The following WWOX variants were observed in gnomAD, a reference collection of about 807,000 sequenced individuals.
The protein encoded by WWOX is WW domain containing oxidoreductase.
Under a neutral mutation model 46.2 loss-of-function variants are expected in WWOX, and 69 were observed. The ratio of observed to expected loss-of-function variants is 1.49; its 90% CI spans 1.23 to 1.82. The LOEUF (loss-of-function observed/expected upper bound fraction) is 1.82. Ranked by LOEUF, WWOX falls within the 40% of genes most tolerant of loss-of-function variation. WWOX has a pLI of 0.00. For synonymous variants in WWOX, 359 were observed against 202.6 expected (o/e 1.77, Z -6.56); for missense variants, 919 against 542.6 (o/e 1.69, Z -6.89).
chr16:78,779,142 C>A (rs1429886246), intron 8 of WWOX, among the ~76,000 whole-genome samples: 1 of 152,086 alleles, frequency 6.6e-6, no homozygotes, highest in Non-Finnish European at 1.5e-5. Context: ...GTGACTCCAA[C>A]TTGTCTTTTT....
intron 8 of WWOX, among the ~76,000 whole-genome samples, chr16:78,828,328 G>T (rs2051719896): frequency 6.6e-6 from 1 of 152,136 alleles, no homozygotes; most frequent in Non-Finnish European, 1.5e-5. Flanking sequence ...AAAACTGGGG[G>T]ATGCAGAATA....
chr16:78,122,411 A>G (rs144192503), intron 4 of WWOX, among the ~76,000 whole-genome samples: 2,209 of 152,296 alleles, frequency 0.015, 57 homozygotes, highest in African/African-American at 0.051. Flanking sequence ...GTTTAATGAC[A>G]AAGTGGGTCA....
At chr16:78,684,852 T>TA (rs1449266695) in intron 8 of WWOX, among the ~76,000 whole-genome samples, 1 of 152,178 alleles carries the variant, frequency 6.6e-6, no homozygotes, top group African/African-American at 2.4e-5. Context: ...AGCCAGGAAA[T>TA]ACACTTGTAA....
chr16:78,794,515 C>T (rs1017562958), intron 8 of WWOX, among the ~76,000 whole-genome samples: 6 of 152,160 alleles, frequency 3.9e-5, no homozygotes, highest in Non-Finnish European at 7.4e-5. Context: ...CTCTGAATAC[C>T]AATTTTCTCA....
chr16:78,420,140 G>C (rs181791406), intron 6 of WWOX, among the ~76,000 whole-genome samples: 21 of 152,220 alleles, frequency 1.4e-4, no homozygotes, highest in African/African-American at 4.8e-4. Context: ...CACATGGAGA[G>C]ATGAAAGTTC....
chr16:78,247,666 C>T (rs2037854537), intron 5 of WWOX, among the ~76,000 whole-genome samples: 1 of 152,188 alleles, frequency 6.6e-6, no homozygotes, highest in Admixed American at 6.5e-5. Context: ...CTTTCCACTC[C>T]TGCGTCTCTG....
chr16:78,157,426 T>C (rs1324741863), intron 4 of WWOX, among the ~76,000 whole-genome samples: 2 of 152,186 alleles, frequency 1.3e-5, no homozygotes, highest in Non-Finnish European at 2.9e-5. Flanking sequence ...GTATCACAGG[T>C]AAAAATGAGT....
rs554723062 is a variant in WWOX at position 79,037,822 on chromosome 16, G to T, written c.1057-173786G>T. On this transcript the variant is annotated intron_variant, in intron 8 of 8. Transcript: ENST00000566780. ...ATCCCCAAGGTCAGGAGATCTTTCT[G>T]CCAGAGGTCAGCATTCCATCCAGCT... Among the ~76,000 whole-genome samples, 21 of 152,142 alleles carry T rather than the reference G, an allele frequency of 1.4e-4. No individual in the cohort carries two copies. In the South Asian group the frequency reaches 4.4e-3, roughly 32 times the overall value.
At chr16:78,318,056 C>T (rs543805045) in intron 5 of WWOX, among the ~76,000 whole-genome samples, 4 of 152,206 alleles carry the variant, frequency 2.6e-5, no homozygotes, top group African/African-American at 9.6e-5. Context: ...AAGATCCAGG[C>T]GTAGAAATTG....
chr16:79,059,519 C>T (rs954557816), intron 8 of WWOX, among the ~76,000 whole-genome samples: 1 of 152,164 alleles, frequency 6.6e-6, no homozygotes, highest in African/African-American at 2.4e-5. Flanking sequence ...GAGATGGAGT[C>T]TTGCCCTGTT....
intron 6 of WWOX, among the ~76,000 whole-genome samples, chr16:78,418,370 A>G (rs1002425603): frequency 1.4e-5 from 2 of 139,016 alleles, no homozygotes; most frequent in African/African-American, 5.6e-5. Flanking sequence ...TCCATCTCAG[A>G]AAAAAAAAAA....
chr16:78,171,688 G>T (rs943088358), intron 5 of WWOX, among the ~76,000 whole-genome samples: 1 of 151,970 alleles, frequency 6.6e-6, no homozygotes. Context: ...TCCTAAATCA[G>T]CCATTAGATT....
chr16:78,525,309 C>T (rs1473234585), intron 8 of WWOX: 1 of 151,630 alleles, frequency 6.6e-6, no homozygotes, highest in Non-Finnish European at 1.5e-5. Context: ...CCTCAGCCTC[C>T]TGAGTAGCTG....
intron 8 of WWOX, among the ~76,000 whole-genome samples, chr16:78,697,913 C>G: frequency 6.6e-6 from 1 of 152,120 alleles, no homozygotes; most frequent in Non-Finnish European, 1.5e-5. Flanking sequence ...TAGTAATGTG[C>G]TTGAGGCCAT....
intron 8 of WWOX, among the ~76,000 whole-genome samples, chr16:79,064,769 G>A (rs1356610699): frequency 6.6e-6 from 1 of 152,146 alleles, no homozygotes; most frequent in Non-Finnish European, 1.5e-5. Context: ...AGACGCTTAA[G>A]GCATTCACAG....
At chr16:78,270,944 G>A (rs771592310) in intron 5 of WWOX, among the ~76,000 whole-genome samples, 6 of 152,116 alleles carry the variant, frequency 3.9e-5, no homozygotes, top group Non-Finnish European at 7.4e-5. Flanking sequence ...TCCTGTTTGC[G>A]TTCAGGTCAA....
chr16:78,521,687 G>C lies in WWOX; in HGVS notation c.1056+88935G>C, dbSNP rs147592284. On this transcript the variant is annotated intron_variant, in intron 8 of 8. Coordinates refer to ENST00000566780, the MANE Select transcript of WWOX (RefSeq NM_016373.4). ...TCTAGTTCACAGGTGTTATCAAGAT[G>C]GTTACCTTTCTAAGTGTCTTTTTAT... Among the ~76,000 whole-genome samples, 133 of 152,242 alleles carry C rather than the reference G, an allele frequency of 8.7e-4. 1 individual carries two copies. In the East Asian group the frequency reaches 0.018, roughly 21 times the overall value.
intron 8 of WWOX, among the ~76,000 whole-genome samples, chr16:79,150,200 G>T (rs961796419): frequency 6.6e-6 from 1 of 152,188 alleles, no homozygotes; most frequent in African/African-American, 2.4e-5. Flanking sequence ...AGGTAGAAGA[G>T]ATCCTTTCCC....
intron 5 of WWOX, among the ~76,000 whole-genome samples, chr16:78,253,820 C>T (rs2038047276): frequency 1.3e-5 from 2 of 152,106 alleles, no homozygotes; most frequent in South Asian, 2.1e-4. Context: ...GGAGCTATGT[C>T]CTGGTGACTT....
Sources: allele counts gnomAD v4.1 joint callset (sites outside exome capture counted in the v4.1 genomes callset), GRCh38; gene constraint gnomAD v4.1.1; transcripts MANE v1.5; gene names NCBI Gene and HGNC (gene_info 2026-07-23, HGNC 2026-07-21).